Variants in EXOC2 observed in about 807,000 individuals in gnomAD.
EXOC2 encodes exocyst complex component 2.
In EXOC2, 70 loss-of-function variants were observed where a neutral mutation model predicts 131.8. The ratio of observed to expected loss-of-function variants is 0.53; its 90% CI spans 0.44 to 0.65. EXOC2 has a LOEUF of 0.65. Among genes scored for constraint, EXOC2 ranks in the 30% least tolerant of loss-of-function variants. The probability of loss-of-function intolerance (pLI) is 0.00; values close to 1 mark genes in which losing one functional copy is unlikely to be tolerated. For synonymous variants in EXOC2, 411 were observed against 398.4 expected, an observed-to-expected ratio of 1.03 and a Z score of -0.38; for missense variants, 923 against 1,108.6, an observed-to-expected ratio of 0.83 and a Z score of 2.38.
chr6:677,533 A>AT (rs927582038), intron 1 of EXOC2, among the ~76,000 whole-genome samples: 3 of 151,644 alleles, frequency 2.0e-5, no homozygotes, highest in Non-Finnish European at 4.4e-5. Flanking sequence ...CAGGTACTTA[A>AT]TTTTTTTTTG....
intron 1 of EXOC2, among the ~76,000 whole-genome samples, chr6:641,225 G>T (rs1432773261): frequency 6.6e-6 from 1 of 152,094 alleles, no homozygotes; most frequent in East Asian, 1.9e-4. Context: ...TGGCAGATTA[G>T]AAGAATCTGG....
At position 607,642 on chromosome 6, in the gene EXOC2, C is replaced by A. The variant is rs192244104; in HGVS notation, c.742+2456G>T. Among the ~76,000 whole-genome samples the A allele has an allele frequency of 2.2e-4, 34 of 152,306 alleles. No individual in the cohort carries two copies. The East Asian group carries it at 5.8e-3, about 26-fold the overall frequency. ...CTCAATTCCTCAGTTGTACTAGTCA[C>A]ATTGGAAGTGCTCAGTAGCTACATT... is the stretch of plus-strand genomic sequence containing the variant. On this transcript the variant is annotated intron_variant, in intron 7 of 27. Transcript: ENST00000230449.
At chr6:642,275 TTTTA>T (rs1395338797) in intron 1 of EXOC2, among the ~76,000 whole-genome samples, 1 of 152,258 alleles carries the variant, frequency 6.6e-6, no homozygotes. Flanking sequence ...ATTTTAGATA[TTTTA>T]TTTGTTTCTT....
chr6:537,293 C>G (rs1405764660), intron 22 of EXOC2, among the ~76,000 whole-genome samples: 1 of 135,178 alleles, frequency 7.4e-6, no homozygotes, highest in Admixed American at 7.5e-5. Flanking sequence ...CTCGAGTTGA[C>G]AGCCGACGGA....
At chr6:670,297 T>C (rs1359364114) in intron 1 of EXOC2, 2 of 152,216 alleles carry the variant, frequency 1.3e-5, no homozygotes, top group Admixed American at 1.3e-4. Flanking sequence ...GATCCCCTTC[T>C]GGTGGCAGTA....
At chr6:605,668 A>AT (rs1485704654) in intron 7 of EXOC2, among the ~76,000 whole-genome samples, 1 of 152,154 alleles carries the variant, frequency 6.6e-6, no homozygotes, top group South Asian at 2.1e-4. Flanking sequence ...GGATTCACTG[A>AT]TTTTTTGAAG....
At chr6:647,127 C>T (rs955255035) in intron 1 of EXOC2, among the ~76,000 whole-genome samples, 1 of 152,088 alleles carries the variant, frequency 6.6e-6, no homozygotes, top group African/African-American at 2.4e-5. Context: ...ATTTTCTTGA[C>T]ACTATTAAGG....
At chr6:633,641 C>T (rs1327742797) in intron 2 of EXOC2, among the ~76,000 whole-genome samples, 1 of 152,132 alleles carries the variant, frequency 6.6e-6, no homozygotes, top group Non-Finnish European at 1.5e-5. Context: ...TAAGCATAAC[C>T]AAGAGTCAGG....
chr6:633,212 A>G (rs1761939691), intron 2 of EXOC2, 95 bp from the exon 3 acceptor site: 1 of 1,334,508 alleles, frequency 7.5e-7, no homozygotes. Flanking sequence ...GTCTTGTTCA[A>G]TAATGACATT....
chr6:573,855 T>A (rs1025425253), intron 12 of EXOC2, among the ~76,000 whole-genome samples: 1 of 152,236 alleles, frequency 6.6e-6, no homozygotes, highest in Non-Finnish European at 1.5e-5. Flanking sequence ...AAGAAACCAC[T>A]GTCACTAGTT....
At chr6:544,975 G>A (rs180767040) in intron 22 of EXOC2, among the ~76,000 whole-genome samples, 14 of 151,414 alleles carry the variant, frequency 9.2e-5, no homozygotes, top group East Asian at 5.8e-4. Flanking sequence ...GTGAAACCCC[G>A]TCTCTACTAA....
chr6:524,974 G>T (rs1305006295), intron 23 of EXOC2: 1 of 152,238 alleles, frequency 6.6e-6, no homozygotes, highest in Non-Finnish European at 1.5e-5. Context: ...AGATCTGGCT[G>T]GTGCAAGCTC....
intron 11 of EXOC2, among the ~76,000 whole-genome samples, chr6:582,552 G>A (rs528609425): frequency 9.9e-5 from 15 of 150,902 alleles, no homozygotes; most frequent in African/African-American, 3.6e-4. Flanking sequence ...CACGGGCCGG[G>A]AGCCTCCGCA....
chr6:626,694 T>G (rs1355032923), intron 4 of EXOC2, among the ~76,000 whole-genome samples: 1 of 152,064 alleles, frequency 6.6e-6, no homozygotes, highest in Non-Finnish European at 1.5e-5. Flanking sequence ...TGAGTTCAAG[T>G]GATTCTCCTG....
At chr6:603,024 G>A (rs1232513432) in intron 7 of EXOC2, among the ~76,000 whole-genome samples, 4 of 152,204 alleles carry the variant, frequency 2.6e-5, no homozygotes, top group Non-Finnish European at 1.5e-5. Context: ...TTTATTTAAA[G>A]TAAATATTAT....
chr6:661,776 T>C (rs533923696), intron 1 of EXOC2, among the ~76,000 whole-genome samples: 2 of 152,120 alleles, frequency 1.3e-5, no homozygotes, highest in Non-Finnish European at 2.9e-5. Context: ...AAAAAGAGCA[T>C]GATGAAAGCA....
At position 485,756 on chromosome 6, in the gene EXOC2, A is replaced by G. The variant is rs1404108350; in HGVS notation, c.*915T>C. 6.6e-6 allele frequency: 1 copy of G among 152,262 alleles called. No individual in the cohort carries two copies. The highest frequency in any genetic ancestry group is 1.5e-5 in the Non-Finnish European group (1 of 68,050). The allele number at this position is 152,262 out of a possible 1,614,324, so 9.4% of individuals were successfully genotyped here. On this transcript the variant is annotated 3_prime_UTR_variant, in exon 28 of 28. Coordinates refer to ENST00000230449, the MANE Select transcript of EXOC2 (RefSeq NM_018303.6). ...GTGTGACAGCAGCATTGTTCCAGCT[A>G]CTGAGCAAGATCCTTCAGCAGGTAA...
At position 488,971 on chromosome 6, in the gene EXOC2, G is replaced by A. The variant is rs757177718; in HGVS notation, c.2681+8C>T. 6.2e-7 allele frequency: 1 copy of A among 1,613,866 alleles called. No homozygotes were observed. The highest frequency in any genetic ancestry group is 1.1e-5 in the South Asian group (1 of 91,016). On this transcript the variant is annotated splice_region_variant and intron_variant, in intron 27 of 27. Coordinates refer to ENST00000230449, the MANE Select transcript of EXOC2 (RefSeq NM_018303.6). Reference sequence around the variant, plus strand: ...AACTGGCTCCTAAGAACAGCACACAGGACTTACTTTTTATCTGCTCCACTG... The same window carrying A: ...AACTGGCTCCTAAGAACAGCACACAAGACTTACTTTTTATCTGCTCCACTG...
intron 25 of EXOC2, among the ~76,000 whole-genome samples, chr6:492,417 G>A (rs1763490854): frequency 1.3e-5 from 2 of 152,148 alleles, no homozygotes; most frequent in Non-Finnish European, 2.9e-5. Context: ...GCACGCACGA[G>A]ACATGAAAAC....
Sources: gnomAD v4.1 joint callset for allele counts (sites outside exome capture counted in the v4.1 genomes callset) on GRCh38, gnomAD v4.1.1 for gene constraint, MANE v1.5 for transcripts, NCBI Gene and HGNC (gene_info 2026-07-23, HGNC 2026-07-21) for gene names.